ZFAND3: variants seen among roughly 807,000 people sequenced by gnomAD.
ZFAND3 encodes AN1-type zinc finger protein 3.
In ZFAND3, 10 loss-of-function variants were observed where a neutral mutation model predicts 29.6. The observed-to-expected ratio is 0.34, with a 90% CI of 0.21 to 0.57. ZFAND3 has a LOEUF of 0.57. ZFAND3 is among the 20% of genes least tolerant of loss of function. ZFAND3 has a pLI of 0.86. For missense variants in ZFAND3, 230 were observed against 304.5 expected (o/e 0.76, Z 1.82); for synonymous variants, 128 against 112.6 (o/e 1.14, Z -0.87).
chr6:37,928,948 A>C (rs1166153940), intron 1 of ZFAND3, among the ~76,000 whole-genome samples: 1 of 152,204 alleles, frequency 6.6e-6, no homozygotes, highest in Non-Finnish European at 1.5e-5. Context: ...ATTTTTCTGT[A>C]GTTCCTAGCT....
At chr6:38,113,409 G>A (rs907752838) in intron 4 of ZFAND3, among the ~76,000 whole-genome samples, 1 of 152,132 alleles carries the variant, frequency 6.6e-6, no homozygotes, top group African/African-American at 2.4e-5. Flanking sequence ...AATATTCCAT[G>A]CCTACTGCCT....
rs1215921614 is a variant in ZFAND3, at chr6:37,896,566, CTT to C, written c.72-33391_72-33390del. On this transcript the variant is annotated intron_variant, in intron 1 of 5. Coordinates refer to ENST00000287218, the MANE Select transcript of ZFAND3 (RefSeq NM_021943.3). ...TCTTTCTTTCTTTCTTTCTTTCTTT[CTT>C]TCTCTCTTTCTCTCTCTTTCTCTTT... 3.8e-3 allele frequency among the ~76,000 whole-genome samples: 497 copies of C among 131,732 alleles called. 16 individuals are homozygous for C. In the East Asian group the frequency reaches 0.081, roughly 22 times the overall value. 86.4% of individuals were successfully genotyped at this position (131,732 alleles called of 152,430 possible).
intron 4 of ZFAND3, among the ~76,000 whole-genome samples, chr6:38,114,929 A>G (rs560620612): frequency 6.6e-6 from 1 of 152,240 alleles, no homozygotes; most frequent in Non-Finnish European, 1.5e-5. Flanking sequence ...CTTTTAGGGC[A>G]TAATGTTAAA....
At chr6:37,929,816 G>T (rs1293515787) in intron 1 of ZFAND3, 143 bp from the exon 2 acceptor site, 3 of 592,680 alleles carry the variant, frequency 5.1e-6, no homozygotes, top group South Asian at 4.4e-5. Context: ...GCTAGCTAGG[G>T]ACTTGTTATT....
chr6:37,882,843 A>G (rs1440728121), intron 1 of ZFAND3, among the ~76,000 whole-genome samples: 1 of 152,152 alleles, frequency 6.6e-6, no homozygotes. Context: ...CTTTGTGTTT[A>G]TCCCATAAAC....
At chr6:38,058,188 G>A (rs1403319121) in intron 2 of ZFAND3, among the ~76,000 whole-genome samples, 4 of 152,160 alleles carry the variant, frequency 2.6e-5, no homozygotes, top group African/African-American at 9.7e-5. Context: ...GGCTTATTGT[G>A]CCTGAGTGAG....
At chr6:38,063,052 T>TA (rs926911806) in intron 3 of ZFAND3, among the ~76,000 whole-genome samples, 19 of 152,276 alleles carry the variant, frequency 1.2e-4, no homozygotes, top group African/African-American at 3.9e-4. Context: ...TCTTAACCAT[T>TA]ACACTGCAGC....
At chr6:38,012,453 A>C (rs368339382) in intron 2 of ZFAND3, among the ~76,000 whole-genome samples, 1 of 143,444 alleles carries the variant, frequency 7.0e-6, no homozygotes, top group African/African-American at 2.6e-5. Flanking sequence ...ATCTTGGCTC[A>C]CTGCAACCTC....
rs539045523 is a variant in ZFAND3 at position 38,042,024 on chromosome 6, G to A, written c.113-19569G>A. Among the ~76,000 whole-genome samples, 15 of 149,560 alleles carry A rather than the reference G, an allele frequency of 1.0e-4. No individual in the cohort carries two copies. The East Asian group carries it at 3.0e-3, about 30-fold the overall frequency. ...CTTTTTTTTGGGGGGGAGGGGGAGA[G>A]ACAGGGTTTCACCTTGTTGACCAGT... On this transcript the variant is annotated intron_variant, in intron 2 of 5. Coordinates refer to ENST00000287218, the MANE Select transcript of ZFAND3 (RefSeq NM_021943.3).
At chr6:38,075,918 A>T (rs1000235165) in intron 3 of ZFAND3, among the ~76,000 whole-genome samples, 3 of 151,912 alleles carry the variant, frequency 2.0e-5, no homozygotes, top group Admixed American at 6.6e-5. Flanking sequence ...CACCCAACTA[A>T]TTTTTTTGTA....
chr6:37,954,268 A>G (rs1762048180), intron 2 of ZFAND3, among the ~76,000 whole-genome samples: 1 of 152,154 alleles, frequency 6.6e-6, no homozygotes, highest in Non-Finnish European at 1.5e-5. Context: ...ATTTCATTAA[A>G]TAGAAAACCT....
rs186089968 is a variant in ZFAND3, at chr6:38,142,354, T to A, written c.530-9881T>A. The A allele has an allele frequency of 6.4e-5, 30 of 471,302 alleles. No homozygotes were observed. The East Asian group carries it at 2.0e-3, about 32-fold the overall frequency. 29.2% of individuals were successfully genotyped at this position (471,302 alleles called of 1,614,324 possible). On this transcript the variant is annotated intron_variant, in intron 5 of 5. Transcript: ENST00000287218. ...TCTGTGACTTGGATGAACTGACTCT[T>A]GCCTGCAAAGGTGCCTTCAGGGAGG...
intron 1 of ZFAND3, among the ~76,000 whole-genome samples, chr6:37,894,116 G>A (rs572915597): frequency 6.6e-6 from 1 of 152,080 alleles, no homozygotes; most frequent in East Asian, 2.0e-4. Flanking sequence ...TTAGCTGGGC[G>A]TGGTGGCTGG....
chr6:37,935,936 A>C (rs1410587627), intron 2 of ZFAND3, among the ~76,000 whole-genome samples: 1 of 152,204 alleles, frequency 6.6e-6, no homozygotes, highest in African/African-American at 2.4e-5. Context: ...CATAGAGTCT[A>C]ATGAATATTC....
intron 2 of ZFAND3, among the ~76,000 whole-genome samples, chr6:37,934,130 C>T (rs945320368): frequency 2.0e-5 from 3 of 151,604 alleles, no homozygotes; most frequent in Admixed American, 1.3e-4. Context: ...TCAGGTGATC[C>T]GCCCACCTTG....
chr6:37,833,392 G>A (rs1474340817), intron 1 of ZFAND3, among the ~76,000 whole-genome samples: 4 of 151,932 alleles, frequency 2.6e-5, no homozygotes, highest in South Asian at 2.1e-4. Context: ...TCCTCTCTCA[G>A]GGGTAATCAC....
At chr6:37,868,886 G>A (rs1459037180) in intron 1 of ZFAND3, among the ~76,000 whole-genome samples, 1 of 152,172 alleles carries the variant, frequency 6.6e-6, no homozygotes, top group Non-Finnish European at 1.5e-5. Flanking sequence ...CTATTTTTCT[G>A]GAAGTGTTCA....
intron 2 of ZFAND3, among the ~76,000 whole-genome samples, chr6:37,958,290 C>T (rs1762135677): frequency 6.6e-6 from 1 of 152,106 alleles, no homozygotes; most frequent in African/African-American, 2.4e-5. Flanking sequence ...CCCATCTCTA[C>T]TAAAAATACA....
intron 2 of ZFAND3, among the ~76,000 whole-genome samples, chr6:37,995,740 A>G (rs895269110): frequency 1.3e-5 from 2 of 152,224 alleles, no homozygotes; most frequent in Admixed American, 6.5e-5. Context: ...GAGCAAAACA[A>G]ACACAGTTAG....
Sources: gnomAD v4.1 joint callset for allele counts (sites outside exome capture counted in the v4.1 genomes callset) on GRCh38, gnomAD v4.1.1 for gene constraint, MANE v1.5 for transcripts, NCBI Gene and HGNC (gene_info 2026-07-23, HGNC 2026-07-21) for gene names.